Variants in SPATA13 observed in about 807,000 individuals in gnomAD.
SPATA13 encodes spermatogenesis associated 13.
SPATA13 carries 50 observed loss-of-function variants against 104.0 expected under a neutral mutation model. The observed-to-expected ratio is 0.48, with a 90% confidence interval of 0.38 to 0.61. The LOEUF is 0.61. Among genes scored for constraint, SPATA13 ranks in the 20% least tolerant of loss-of-function variants. The pLI is 0.00. For missense variants in SPATA13, 1,524 were observed against 1,690.6 expected (o/e 0.90, Z 1.73); for synonymous variants, 606 against 667.5 (o/e 0.91, Z 1.42).
intron 2 of SPATA13, among the ~76,000 whole-genome samples, chr13:24,243,147 T>A (rs1872941583): frequency 6.6e-6 from 1 of 152,270 alleles, no homozygotes; most frequent in African/African-American, 2.4e-5. Context: ...AATGGGTTTT[T>A]CTGATGTCTT....
At chr13:24,055,910 G>T (rs1046593462) in intron 3 of SPATA13, among the ~76,000 whole-genome samples, 1 of 152,230 alleles carries the variant, frequency 6.6e-6, no homozygotes, top group Non-Finnish European at 1.5e-5. Context: ...GACAAATGGC[G>T]TTGGCAATGC....
At chr13:24,054,854 A>C (rs1878483370) in intron 3 of SPATA13, among the ~76,000 whole-genome samples, 1 of 152,250 alleles carries the variant, frequency 6.6e-6, no homozygotes, top group South Asian at 2.1e-4. Flanking sequence ...CTCTTCTAAA[A>C]AAAAATTGTG....
chr13:24,136,203 G>A (rs1881559718), intron 3 of SPATA13, among the ~76,000 whole-genome samples: 1 of 152,188 alleles, frequency 6.6e-6, no homozygotes, highest in African/African-American at 2.4e-5. Flanking sequence ...ACAATCATGT[G>A]GCTTATGCCT....
chr13:24,160,602 C>A, upstream of SPATA13: 1 of 522,690 alleles, frequency 1.9e-6, no homozygotes, highest in Non-Finnish European at 2.5e-6. Context: ...GGGGGCGTGG[C>A]CGAGGGTGTG....
At chr13:24,072,825 C>CTTT (rs11353469) in intron 3 of SPATA13, among the ~76,000 whole-genome samples, 4 of 120,672 alleles carry the variant, frequency 3.3e-5, no homozygotes, top group African/African-American at 6.2e-5. Flanking sequence ...CTGTTGGCTC[C>CTTT]TTTTTTTTTT....
intron 1 of SPATA13, among the ~76,000 whole-genome samples, chr13:24,201,307 TTTATA>T: frequency 6.6e-6 from 1 of 152,020 alleles, no homozygotes; most frequent in Non-Finnish European, 1.5e-5. Flanking sequence ...CACTTTTAGG[TTTATA>T]GAAAAACTAC....
At chr13:24,288,613 A>T (rs927783159) in intron 7 of SPATA13, among the ~76,000 whole-genome samples, 2 of 152,228 alleles carry the variant, frequency 1.3e-5, no homozygotes, top group Non-Finnish European at 2.9e-5. Flanking sequence ...TGCATGGGCT[A>T]TTCAGCAAGC....
intron 2 of SPATA13, among the ~76,000 whole-genome samples, chr13:24,246,812 G>A (rs541511792): frequency 2.0e-5 from 3 of 151,066 alleles, no homozygotes; most frequent in South Asian, 2.1e-4. Context: ...GCGGTGAGCC[G>A]AGATCACACC....
At chr13:24,070,145 G>T (rs1270615356) in intron 3 of SPATA13, among the ~76,000 whole-genome samples, 1 of 152,232 alleles carries the variant, frequency 6.6e-6, no homozygotes, top group African/African-American at 2.4e-5. Flanking sequence ...AGCAGGGGCA[G>T]ATTGTGGACT....
chr13:23,986,691 T>G (rs1379689006), intron 2 of SPATA13, among the ~76,000 whole-genome samples: 2 of 152,206 alleles, frequency 1.3e-5, no homozygotes, highest in Non-Finnish European at 2.9e-5. Flanking sequence ...TGCTCCTTTG[T>G]GAGATAGCAT....
chr13:24,273,883 T>A (rs1874787420), intron 4 of SPATA13, among the ~76,000 whole-genome samples: 2 of 152,182 alleles, frequency 1.3e-5, no homozygotes, highest in Admixed American at 1.3e-4. Flanking sequence ...AGAGATGGGA[T>A]CTTGCTATGT....
Position 24,122,037 on chromosome 13 carries a change from A to C in SPATA13, c.-111-100782A>C, listed in dbSNP as rs150314855. The stretch of plus-strand genomic sequence containing the variant: ...GGACGAACACAAGCTCTTCACTACA[A>C]TCACACAGCAGGAAAGAAAGAGATA... On this transcript the variant is annotated intron_variant, in intron 3 of 14. Transcript: ENST00000424834. The C allele has an allele frequency of 1.5e-3, 2,293 of 1,489,440 alleles. 31 individuals are homozygous for C. In the East Asian group the frequency reaches 0.028, roughly 18 times the overall value. 92.3% of individuals were successfully genotyped at this position (1,489,440 alleles called of 1,614,324 possible).
At chr13:24,075,309 T>C (rs1052877106) in intron 3 of SPATA13, among the ~76,000 whole-genome samples, 11 of 152,252 alleles carry the variant, frequency 7.2e-5, no homozygotes, top group Admixed American at 1.3e-4. Flanking sequence ...TACATAATTA[T>C]ATCTCCAGAG....
At chr13:24,110,707 G>A (rs1880611624) in intron 3 of SPATA13, among the ~76,000 whole-genome samples, 1 of 152,188 alleles carries the variant, frequency 6.6e-6, no homozygotes, top group Non-Finnish European at 1.5e-5. Flanking sequence ...GTTCTTAGAA[G>A]CTATTTGGGG....
chr13:24,083,539 T>C (rs76965375), intron 3 of SPATA13, among the ~76,000 whole-genome samples: 2,276 of 152,210 alleles, frequency 0.015, 51 homozygotes, highest in African/African-American at 0.052. Flanking sequence ...TTGAAGGTGG[T>C]TGGAGGTTTG....
At chr13:24,181,187 C>T (rs1297011327) in intron 1 of SPATA13, among the ~76,000 whole-genome samples, 3 of 152,070 alleles carry the variant, frequency 2.0e-5, no homozygotes, top group Non-Finnish European at 4.4e-5. Context: ...GGAATGAATG[C>T]GAAGGCCTAG....
intron 3 of SPATA13, among the ~76,000 whole-genome samples, chr13:24,042,514 G>A (rs1877972001): frequency 6.6e-6 from 1 of 152,154 alleles, no homozygotes; most frequent in South Asian, 2.1e-4. Flanking sequence ...AGAGACACAA[G>A]TGCACGTCCA....
intron 7 of SPATA13, 62 bp downstream of exon 7, chr13:24,287,012 G>A (rs1048589240): frequency 2.7e-6 from 4 of 1,476,490 alleles, no homozygotes; most frequent in East Asian, 2.3e-5. Flanking sequence ...AGGTGCCTGG[G>A]CTTTCTCCCC....
At chr13:24,228,832 A>G (rs1300570668) in intron 2 of SPATA13, among the ~76,000 whole-genome samples, 1 of 152,230 alleles carries the variant, frequency 6.6e-6, no homozygotes, top group Non-Finnish European at 1.5e-5. Context: ...AATAAATATT[A>G]TAATGTACTT....
Sources: gnomAD v4.1 joint callset for allele counts (sites outside exome capture counted in the v4.1 genomes callset) on GRCh38, gnomAD v4.1.1 for gene constraint, MANE v1.5 for transcripts, NCBI Gene and HGNC (gene_info 2026-07-23, HGNC 2026-07-21) for gene names.